ESYT2: variants seen among roughly 807,000 people sequenced by gnomAD.
ESYT2 encodes extended synaptotagmin 2.
Under a neutral mutation model 107.2 loss-of-function variants are expected in ESYT2, and 54 were observed. The observed-to-expected ratio is 0.50, with a 90% CI of 0.40 to 0.63. ESYT2 has a LOEUF of 0.63. Ranked by LOEUF, ESYT2 falls within the 30% of genes least tolerant of loss-of-function variation. The pLI, the probability that ESYT2 is intolerant of heterozygous loss-of-function variation, is 0.00. For missense variants in ESYT2, 1,020 were observed against 1,094.5 expected (o/e 0.93, Z 0.96); for synonymous variants, 491 against 434.1 (o/e 1.13, Z -1.63).
chr7:158,808,806 TAAA>T (rs56268365), intron 1 of ESYT2, among the ~76,000 whole-genome samples: 11 of 138,256 alleles, frequency 8.0e-5, no homozygotes, highest in African/African-American at 5.4e-5. Flanking sequence ...CCATCTCTAC[TAAA>T]AAAAAAAAAA....
intron 1 of ESYT2, among the ~76,000 whole-genome samples, chr7:158,806,887 C>G (rs756465596): frequency 6.6e-6 from 1 of 151,958 alleles, no homozygotes; most frequent in Admixed American, 6.6e-5. Context: ...CAAATATACA[C>G]GCTTATGTTT....
At chr7:158,767,595 G>A (rs559955050) in intron 8 of ESYT2, 59 bp downstream of exon 8, 22 of 1,573,924 alleles carry the variant, frequency 1.4e-5, no homozygotes, top group South Asian at 1.1e-4. Context: ...TGCCACACCC[G>A]CAGGCAGGCA....
At chr7:158,739,778 G>A (rs527462004) in intron 18 of ESYT2, among the ~76,000 whole-genome samples, 1 of 142,790 alleles carries the variant, frequency 7.0e-6, no homozygotes, top group South Asian at 2.2e-4. Context: ...ACAACAGGAC[G>A]GGAGGTTATT....
intron 1 of ESYT2, among the ~76,000 whole-genome samples, chr7:158,818,449 T>C (rs1840203815): frequency 6.6e-6 from 1 of 152,170 alleles, no homozygotes; most frequent in African/African-American, 2.4e-5. Context: ...GATAAATTCT[T>C]AGCAACAGCG....
At chr7:158,740,804 C>T (rs529832271) in intron 18 of ESYT2, among the ~76,000 whole-genome samples, 8 of 152,272 alleles carry the variant, frequency 5.3e-5, no homozygotes, top group Admixed American at 2.6e-4. Flanking sequence ...TGTGCAAGCT[C>T]CACAGTCTGC....
intron 6 of ESYT2, among the ~76,000 whole-genome samples, chr7:158,778,407 A>G (rs1304720350): frequency 6.6e-6 from 1 of 152,052 alleles, no homozygotes; most frequent in African/African-American, 2.4e-5. Flanking sequence ...ATATATTTAC[A>G]TGAAACAGAC....
chr7:158,789,161 T>C (rs1839200009), intron 4 of ESYT2, among the ~76,000 whole-genome samples: 1 of 152,184 alleles, frequency 6.6e-6, no homozygotes, highest in African/African-American at 2.4e-5. Context: ...AGGGAATGTC[T>C]AAGCAGATAA....
chr7:158,768,234 T>C (rs1838232108), intron 7 of ESYT2, among the ~76,000 whole-genome samples: 1 of 152,244 alleles, frequency 6.6e-6, no homozygotes, highest in Non-Finnish European at 1.5e-5. Flanking sequence ...GGCCCATTCA[T>C]GTTCATATAC....
At chr7:158,782,934 G>A (rs1460276876) in intron 6 of ESYT2, among the ~76,000 whole-genome samples, 2 of 152,338 alleles carry the variant, frequency 1.3e-5, no homozygotes, top group Admixed American at 6.5e-5. Flanking sequence ...AGGTCCACAT[G>A]AGGGCACCGT....
At chr7:158,747,616 G>A (rs1200823659) in intron 16 of ESYT2, among the ~76,000 whole-genome samples, 1 of 152,170 alleles carries the variant, frequency 6.6e-6, no homozygotes, top group Non-Finnish European at 1.5e-5. Flanking sequence ...GTGGGAATGT[G>A]ACACGGCACA....
intron 1 of ESYT2, among the ~76,000 whole-genome samples, chr7:158,812,647 T>C (rs1335215702): frequency 4.6e-5 from 7 of 152,218 alleles, no homozygotes; most frequent in African/African-American, 1.7e-4. Context: ...TGTACATGAA[T>C]GTTCATCGCA....
At chr7:158,798,646 C>CAAAA (rs57351086) in intron 2 of ESYT2, among the ~76,000 whole-genome samples, 1,339 of 49,906 alleles carry the variant, frequency 0.027, 157 homozygotes, top group African/African-American at 0.096. Flanking sequence ...AGCTCCGTCT[C>CAAAA]AAAAAAAAAA....
rs1836802297 is a variant in ESYT2 at position 158,733,157 on chromosome 7, A to G, written c.*1050T>C. 6.6e-6 allele frequency: 1 copy of G among 152,230 alleles called. No individual in the cohort carries two copies. The highest frequency in any genetic ancestry group is 1.5e-5 in the Non-Finnish European group (1 of 68,042). 9.4% of individuals were successfully genotyped at this position (152,230 alleles called of 1,614,324 possible). On this transcript the variant is annotated 3_prime_UTR_variant, in exon 23 of 23. Coordinates refer to ENST00000275418, the MANE Select transcript of ESYT2 (RefSeq NM_001367773.1). ...CAGTGCACATCGGCTCAAAGGTCCC[A>G]CATCCTATGTGTGAGGTCACACTGG...
chr7:158,757,760 T>TC (rs142835436), intron 13 of ESYT2, among the ~76,000 whole-genome samples: 3 of 151,146 alleles, frequency 2.0e-5, no homozygotes, highest in African/African-American at 7.4e-5. Context: ...CTGGGTTTTT[T>TC]TTTTTTTGTT....
At chr7:158,785,076 A>T (rs1238127879) in intron 6 of ESYT2, among the ~76,000 whole-genome samples, 1 of 152,194 alleles carries the variant, frequency 6.6e-6, no homozygotes, top group Non-Finnish European at 1.5e-5. Flanking sequence ...GCAAACACCA[A>T]TTGGTTGAGT....
chr7:158,760,644 A>G (rs143202750), intron 11 of ESYT2, among the ~76,000 whole-genome samples: 11 of 152,350 alleles, frequency 7.2e-5, no homozygotes, highest in Non-Finnish European at 1.0e-4. Flanking sequence ...CGGAATGTAC[A>G]GGGTAAGAGG....
intron 6 of ESYT2, among the ~76,000 whole-genome samples, chr7:158,778,927 G>A (rs1838667879): frequency 6.6e-6 from 1 of 151,784 alleles, no homozygotes; most frequent in South Asian, 2.1e-4. Context: ...TGGAGGAACA[G>A]AAGATGTAAC....
At chr7:158,739,715 A>C (rs573597827) in intron 18 of ESYT2, among the ~76,000 whole-genome samples, 14 of 152,268 alleles carry the variant, frequency 9.2e-5, no homozygotes, top group Admixed American at 7.8e-4. Context: ...CCCCACTCCC[A>C]TGTGAGTGGA....
chr7:158,756,411 T>C (rs1023574387), intron 13 of ESYT2, among the ~76,000 whole-genome samples: 2 of 152,200 alleles, frequency 1.3e-5, no homozygotes, highest in Non-Finnish European at 2.9e-5. Context: ...TTTAAGTGTC[T>C]TAAAAGAAAG....
Sources: allele counts gnomAD v4.1 joint callset (sites outside exome capture counted in the v4.1 genomes callset), GRCh38; gene constraint gnomAD v4.1.1; transcripts MANE v1.5; gene names NCBI Gene and HGNC (gene_info 2026-07-23, HGNC 2026-07-21).